Variants in MACROD2 observed in about 807,000 individuals in gnomAD.
MACROD2 encodes ADP-ribose glycohydrolase MACROD2.
A neutral mutation model predicts 70.4 loss-of-function variants in MACROD2; 36 were observed. The observed-to-expected ratio is 0.51, with a 90% CI of 0.39 to 0.68. The LOEUF is 0.68. MACROD2 is among the 30% of genes least tolerant of loss of function. The probability of loss-of-function intolerance (pLI) is 0.00; values close to 1 mark genes in which losing one functional copy is unlikely to be tolerated. For missense variants in MACROD2, 496 were observed against 538.4 expected (o/e 0.92, Z 0.78); for synonymous variants, 172 against 178.8 (o/e 0.96, Z 0.30).
chr20:15,401,279 C>A (rs1270180969), intron 6 of MACROD2, among the ~76,000 whole-genome samples: 3 of 152,244 alleles, frequency 2.0e-5, no homozygotes, highest in Admixed American at 6.5e-5. Context: ...ACCTTGTGAT[C>A]CGCCCGCCTC....
At chr20:15,738,057 G>A (rs1407937025) in intron 8 of MACROD2, among the ~76,000 whole-genome samples, 2 of 152,120 alleles carry the variant, frequency 1.3e-5, no homozygotes, top group Non-Finnish European at 2.9e-5. Context: ...CTGGAAAGGG[G>A]AATAGAGGGA....
intron 5 of MACROD2, among the ~76,000 whole-genome samples, chr20:14,714,998 G>A (rs765081960): frequency 2.6e-5 from 4 of 152,182 alleles, no homozygotes; most frequent in Admixed American, 6.5e-5. Flanking sequence ...AATGTAAGGT[G>A]TTGTATTAGT....
intron 6 of MACROD2, among the ~76,000 whole-genome samples, chr20:15,381,990 G>C (rs1001906692): frequency 6.6e-6 from 1 of 152,174 alleles, no homozygotes; most frequent in African/African-American, 2.4e-5. Context: ...TAGCTGGGAA[G>C]GGGGAATCTC....
intron 5 of MACROD2, among the ~76,000 whole-genome samples, chr20:14,880,252 A>G (rs1028833202): frequency 6.6e-6 from 1 of 152,184 alleles, no homozygotes; most frequent in Non-Finnish European, 1.5e-5. Context: ...TGGGTGCTTC[A>G]CTGCCAACAC....
intron 4 of MACROD2, among the ~76,000 whole-genome samples, chr20:14,579,016 A>G (rs1162855583): frequency 6.6e-6 from 1 of 152,140 alleles, no homozygotes; most frequent in East Asian, 1.9e-4. Context: ...GCTAGCTAAA[A>G]GTCCTAACCC....
rs1327868656 is a variant in MACROD2 at position 14,109,121 on chromosome 20, A to G, written c.271+23393A>G. On this transcript the variant is annotated intron_variant, in intron 3 of 17. Transcript: ENST00000684519. ...AATCAACAACAAGAAGAATTTTGGA[A>G]ACTATACAAACACATGGAAATTAAA... 3.3e-5 allele frequency among the ~76,000 whole-genome samples: 5 copies of G among 152,088 alleles called. No individual in the cohort carries two copies. The East Asian group carries it at 9.6e-4, about 29-fold the overall frequency.
In MACROD2 at chr20:15,348,864, C is replaced by T. The variant is rs140556165; in HGVS notation, c.541-82541C>T. Among the ~76,000 whole-genome samples, 70 of 152,074 alleles carry T rather than the reference C, an allele frequency of 4.6e-4. No homozygotes were observed. The East Asian group carries it at 0.01, about 22-fold the overall frequency. On this transcript the variant is annotated intron_variant, in intron 6 of 17. Coordinates refer to ENST00000684519, the MANE Select transcript of MACROD2 (RefSeq NM_001351661.2). Reference sequence around the variant, plus strand: ...GCTACAATTCAAGATAAGATTTGGGCGGGGTCACAGCCAAACAATATCATT... The same window carrying T: ...GCTACAATTCAAGATAAGATTTGGGTGGGGTCACAGCCAAACAATATCATT...
intron 3 of MACROD2, among the ~76,000 whole-genome samples, chr20:14,143,569 A>AG (rs1271211313): frequency 6.6e-6 from 1 of 152,030 alleles, no homozygotes; most frequent in Non-Finnish European, 1.5e-5. Context: ...GAAAAAAAAA[A>AG]CCTGTGCAAG....
intron 3 of MACROD2, among the ~76,000 whole-genome samples, chr20:14,183,313 G>A (rs2081319486): frequency 6.6e-6 from 1 of 151,762 alleles, no homozygotes; most frequent in Non-Finnish European, 1.5e-5. Flanking sequence ...AGTTTGCTAA[G>A]GATAATGGCC....
At chr20:15,614,699 A>C in intron 8 of MACROD2, among the ~76,000 whole-genome samples, 1 of 152,230 alleles carries the variant, frequency 6.6e-6, no homozygotes, top group East Asian at 1.9e-4. Context: ...AATTAAAGAC[A>C]GTAGACATAA....
intron 4 of MACROD2, among the ~76,000 whole-genome samples, chr20:14,642,820 G>A (rs1405283809): frequency 6.6e-6 from 1 of 151,800 alleles, no homozygotes; most frequent in Non-Finnish European, 1.5e-5. Flanking sequence ...TAATGATAAA[G>A]TTAGAAATAT....
chr20:15,306,514 G>A (rs6110568), intron 6 of MACROD2, among the ~76,000 whole-genome samples: 3 of 152,266 alleles, frequency 2.0e-5, no homozygotes. Context: ...AGGTGTTTAA[G>A]GGGGGAGAGT....
intron 3 of MACROD2, among the ~76,000 whole-genome samples, chr20:14,367,247 CATTAT>C (rs2083281240): frequency 6.6e-6 from 1 of 152,090 alleles, no homozygotes; most frequent in Admixed American, 6.5e-5. Flanking sequence ...TGATAACATA[CATTAT>C]AATTATTGTT....
chr20:15,286,119 A>C (rs933396877), intron 6 of MACROD2, among the ~76,000 whole-genome samples: 2 of 152,144 alleles, frequency 1.3e-5, no homozygotes, highest in African/African-American at 4.8e-5. Context: ...GGGGAAACAG[A>C]TGGAGGCAAG....
intron 8 of MACROD2, among the ~76,000 whole-genome samples, chr20:15,560,772 A>G (rs903691885): frequency 6.7e-6 from 1 of 148,734 alleles, no homozygotes; most frequent in Admixed American, 6.6e-5. Context: ...CAAAAAAAAA[A>G]AAAAAAAAAA....
At chr20:15,044,591 G>A (rs574914585) in intron 5 of MACROD2, among the ~76,000 whole-genome samples, 67 of 152,192 alleles carry the variant, frequency 4.4e-4, no homozygotes, top group African/African-American at 1.6e-3. Context: ...TTTGGTCAAT[G>A]GGCAGCTCTC....
intron 9 of MACROD2, among the ~76,000 whole-genome samples, chr20:15,865,985 A>G (rs1323931907): frequency 6.6e-6 from 1 of 152,178 alleles, no homozygotes; most frequent in Non-Finnish European, 1.5e-5. Context: ...GTTGTGGAGT[A>G]TATTGGGTTT....
intron 4 of MACROD2, among the ~76,000 whole-genome samples, chr20:14,523,025 G>T (rs550791610): frequency 3.6e-4 from 55 of 152,056 alleles, no homozygotes; most frequent in African/African-American, 1.3e-3. Context: ...CTTATCCCTC[G>T]ATCTGTTATT....
intron 7 of MACROD2, among the ~76,000 whole-genome samples, chr20:15,449,544 CA>C (rs1235530200): frequency 6.6e-6 from 1 of 151,962 alleles, no homozygotes. Flanking sequence ...ATGCATTTTC[CA>C]AAAAAATAAT....
Sources: gnomAD v4.1 joint callset for allele counts (sites outside exome capture counted in the v4.1 genomes callset) on GRCh38, gnomAD v4.1.1 for gene constraint, MANE v1.5 for transcripts, NCBI Gene and HGNC (gene_info 2026-07-23, HGNC 2026-07-21) for gene names.